The following MARCHF5 variants were observed in gnomAD, a reference collection of about 807,000 sequenced individuals.
MARCHF5 encodes membrane associated ring-CH-type finger 5.
A neutral mutation model predicts 36.5 loss-of-function variants in MARCHF5; 5 were observed. The ratio of observed to expected loss-of-function variants is 0.14; its 90% confidence interval spans 0.07 to 0.29. The LOEUF is 0.29. MARCHF5 is among the 10% of genes least tolerant of loss of function. The probability of loss-of-function intolerance (pLI) is 1.00; values close to 1 mark genes in which losing one functional copy is unlikely to be tolerated. For synonymous variants in MARCHF5, 103 were observed against 109.9 expected (o/e 0.94, Z 0.39); for missense variants, 179 against 336.3 (o/e 0.53, Z 3.66).
At chr10:92,348,954 A>G (rs1457740576) in intron 3 of MARCHF5, among the ~76,000 whole-genome samples, 7 of 152,346 alleles carry the variant, frequency 4.6e-5, no homozygotes, top group Middle Eastern at 6.8e-3. Context: ...TTAATCTCCT[A>G]GAAGGAAGAT....
chr10:92,292,496 G>C (rs951320257), intron 1 of MARCHF5, among the ~76,000 whole-genome samples: 7 of 152,084 alleles, frequency 4.6e-5, no homozygotes, highest in Admixed American at 4.6e-4. Context: ...TTAAATGAAG[G>C]CCCTCCCTTA....
At chr10:92,337,911 T>A (rs375043495) in intron 2 of MARCHF5, among the ~76,000 whole-genome samples, 1 of 151,708 alleles carries the variant, frequency 6.6e-6, no homozygotes. Context: ...TGGTGGTACA[T>A]GCCTGTAATC....
intron 3 of MARCHF5, among the ~76,000 whole-genome samples, chr10:92,345,682 CTCTTTTTTTTTTT>C (rs1379662293): frequency 1.4e-5 from 2 of 145,708 alleles, no homozygotes; most frequent in Non-Finnish European, 1.5e-5. Flanking sequence ...TTTTGTTTTT[CTCTTTTTTTTTTT>C]TCTTTTTTTT....
chr10:92,326,959 T>G (rs922156697), intron 2 of MARCHF5, among the ~76,000 whole-genome samples: 3 of 152,138 alleles, frequency 2.0e-5, no homozygotes, highest in African/African-American at 7.2e-5. Context: ...TTATAAATTA[T>G]AACTATCGTT....
Position 92,311,428 on chromosome 10 carries a change from T to G in MARCHF5, c.238+91T>G, listed in dbSNP as rs1391027183. On this transcript the variant is annotated intron_variant, in intron 2 of 5. Transcript: ENST00000358935. ...TTTTAAAATGAACCACCTCTTTTTT[T>G]TAGGGTGTGAATTTCTATATTCCCT... The G allele has an allele frequency of 3.6e-6, 3 of 841,856 alleles. No homozygotes were observed. The Admixed American group carries it at 8.8e-5, about 25-fold the overall frequency. 52.1% of individuals were successfully genotyped at this position (841,856 alleles called of 1,614,324 possible).
intron 2 of MARCHF5, among the ~76,000 whole-genome samples, chr10:92,315,338 A>T (rs1258916019): frequency 6.6e-6 from 1 of 152,242 alleles, no homozygotes; most frequent in Non-Finnish European, 1.5e-5. Flanking sequence ...GTGTCATCTG[A>T]TGATAGAATT....
chr10:92,299,240 A>C (rs1293063487), intron 1 of MARCHF5, among the ~76,000 whole-genome samples: 1 of 152,148 alleles, frequency 6.6e-6, no homozygotes. Context: ...ACAGAGTGGC[A>C]CTAGAATTAG....
chr10:92,292,391 G>A (rs1022058982), intron 1 of MARCHF5, among the ~76,000 whole-genome samples: 1 of 152,178 alleles, frequency 6.6e-6, no homozygotes, highest in Admixed American at 6.5e-5. Context: ...CATGATGTTT[G>A]TGGTTGCTTA....
intron 2 of MARCHF5, among the ~76,000 whole-genome samples, chr10:92,337,937 A>G (rs1843524574): frequency 6.6e-6 from 1 of 151,746 alleles, no homozygotes; most frequent in Non-Finnish European, 1.5e-5. Context: ...ACTTTGGGAA[A>G]CTGAAGTGGG....
chr10:92,305,033 T>A (rs1843057024), intron 1 of MARCHF5, among the ~76,000 whole-genome samples: 1 of 152,212 alleles, frequency 6.6e-6, no homozygotes, highest in Admixed American at 6.5e-5. Flanking sequence ...TTTTACTTAT[T>A]GTTTAAAATT....
intron 3 of MARCHF5, among the ~76,000 whole-genome samples, chr10:92,343,212 C>G (rs1843599758): frequency 6.6e-6 from 1 of 152,168 alleles, no homozygotes; most frequent in Admixed American, 6.5e-5. Flanking sequence ...ACGTCACCTT[C>G]CCAACCTAAT....
intron 1 of MARCHF5, among the ~76,000 whole-genome samples, chr10:92,291,908 G>A (rs1197739222): frequency 6.6e-6 from 1 of 152,068 alleles, no homozygotes; most frequent in African/African-American, 2.4e-5. Context: ...TCTTTCAGGG[G>A]AATGACCCCC....
At chr10:92,327,094 G>C (rs1250332474) in intron 2 of MARCHF5, among the ~76,000 whole-genome samples, 1 of 152,082 alleles carries the variant, frequency 6.6e-6, no homozygotes, top group Non-Finnish European at 1.5e-5. Flanking sequence ...GGAACATCAA[G>C]GGAGAGGGAA....
At chr10:92,303,495 C>A (rs1179740421) in intron 1 of MARCHF5, among the ~76,000 whole-genome samples, 2 of 152,010 alleles carry the variant, frequency 1.3e-5, no homozygotes, top group Admixed American at 6.6e-5. Context: ...TTTCTAACAA[C>A]TTTTCTTGGC....
intron 2 of MARCHF5, among the ~76,000 whole-genome samples, chr10:92,322,626 T>C (rs1019733421): frequency 4.0e-5 from 6 of 150,966 alleles, no homozygotes; most frequent in African/African-American, 1.2e-4. Context: ...TTTTTTTTTT[T>C]TTTATAGTGA....
At chr10:92,306,602 G>C (rs933600965) in intron 1 of MARCHF5, among the ~76,000 whole-genome samples, 18 of 152,196 alleles carry the variant, frequency 1.2e-4, no homozygotes, top group African/African-American at 4.3e-4. Flanking sequence ...AAAGGAAGGG[G>C]GTAGAGAATT....
intron 2 of MARCHF5, among the ~76,000 whole-genome samples, chr10:92,327,869 G>GAA (rs962234296): frequency 1.3e-5 from 2 of 149,996 alleles, no homozygotes; most frequent in Admixed American, 6.6e-5. Context: ...GCATAAAAGG[G>GAA]AAAAAAAAAG....
intron 2 of MARCHF5, among the ~76,000 whole-genome samples, chr10:92,328,871 A>G (rs1459864133): frequency 8.6e-6 from 1 of 116,904 alleles, no homozygotes; most frequent in Non-Finnish European, 1.8e-5. Flanking sequence ...TGTGCTTCTT[A>G]TTGCATCACA....
chr10:92,318,678 T>C (rs1843246740), intron 2 of MARCHF5, among the ~76,000 whole-genome samples: 1 of 151,972 alleles, frequency 6.6e-6, no homozygotes, highest in East Asian at 1.9e-4. Flanking sequence ...TTGTTCTTGT[T>C]CTTAGGGGGA....
Sources: allele counts gnomAD v4.1 joint callset (sites outside exome capture counted in the v4.1 genomes callset), GRCh38; gene constraint gnomAD v4.1.1; transcripts MANE v1.5; gene names NCBI Gene and HGNC (gene_info 2026-07-23, HGNC 2026-07-21).